Variants in RPF2 observed in about 807,000 individuals in gnomAD.
RPF2 encodes brix domain containing 1.
In RPF2, 21 loss-of-function variants were observed where a neutral mutation model predicts 38.9. The observed-to-expected ratio is 0.54, with a 90% CI of 0.38 to 0.78. RPF2 has a LOEUF of 0.78. RPF2 is among the 30% of genes least tolerant of loss of function. RPF2 has a pLI of 0.00. For missense variants in RPF2, 314 were observed against 358.1 expected, an observed-to-expected ratio of 0.88 and a Z score of 0.99; for synonymous variants, 121 against 126.2, an observed-to-expected ratio of 0.96 and a Z score of 0.28.
intron 8 of RPF2, among the ~76,000 whole-genome samples, chr6:111,016,228 A>G (rs1256595161): frequency 2.0e-5 from 3 of 152,212 alleles, no homozygotes; most frequent in African/African-American, 7.2e-5. Flanking sequence ...GAATAAGAAG[A>G]TTCAGTGGCT....
chr6:111,003,087 C>CA (rs992813417), intron 6 of RPF2, among the ~76,000 whole-genome samples: 4 of 146,170 alleles, frequency 2.7e-5, no homozygotes, highest in African/African-American at 5.0e-5. Flanking sequence ...TTACCCCCCC[C>CA]CCTTTTTTTT....
At chr6:110,988,375 A>G (rs182972022) in intron 2 of RPF2, among the ~76,000 whole-genome samples, 1 of 150,806 alleles carries the variant, frequency 6.6e-6, no homozygotes, top group Non-Finnish European at 1.5e-5. Flanking sequence ...TCCACGCAAC[A>G]TTATTTCAAT....
At chr6:110,988,047 C>T (rs1181077305) in intron 2 of RPF2, among the ~76,000 whole-genome samples, 1 of 151,876 alleles carries the variant, frequency 6.6e-6, no homozygotes, top group Non-Finnish European at 1.5e-5. Flanking sequence ...AACCCCATCT[C>T]CACTCAAAAT....
chr6:110,989,080 C>A lies in RPF2; in HGVS notation c.194+15C>A. The A allele has an allele frequency of 6.5e-7, 1 of 1,529,248 alleles. No individual in the cohort carries two copies. Among genetic ancestry groups the A allele is most frequent in the Non-Finnish European group, 8.7e-7 (1 of 1,144,942 alleles). The allele number at this position is 1,529,248 out of a possible 1,614,324, so 94.7% of individuals were successfully genotyped here. On this transcript the variant is annotated intron_variant, in intron 3 of 9. Coordinates refer to ENST00000441448, the MANE Select transcript of RPF2 (RefSeq NM_032194.3). ...CTATATAAAAAGTAAGTCATGATTT[C>A]TTTTACTGTATTTTAAATGATTTTG... is the stretch of plus-strand genomic sequence containing the variant.
intron 8 of RPF2, among the ~76,000 whole-genome samples, chr6:111,018,182 C>A (rs539827611): frequency 1.6e-5 from 2 of 123,238 alleles, no homozygotes; most frequent in African/African-American, 3.1e-5. Flanking sequence ...AGCTTCGGCT[C>A]GGCATCAGGG....
chr6:111,025,373 A>ATT, intron 9 of RPF2, 30 bp from the exon 10 acceptor site: 10 of 1,481,868 alleles, frequency 6.7e-6, no homozygotes, highest in Non-Finnish European at 9.3e-6. Context: ...GTAGAAGGCC[A>ATT]TTAAATATAT....
chr6:110,984,427 T>C (rs1771487791), intron 1 of RPF2, among the ~76,000 whole-genome samples: 1 of 151,950 alleles, frequency 6.6e-6, no homozygotes, highest in South Asian at 2.1e-4. Flanking sequence ...AAAAAAAAGA[T>C]TGGAAAGAGC....
intron 8 of RPF2, among the ~76,000 whole-genome samples, chr6:111,017,948 C>T (rs12176262): frequency 0.16 from 24,417 of 151,662 alleles, 2,474 homozygotes; most frequent in East Asian, 0.52. Context: ...AACGAGACTC[C>T]GTCTGCAATC....
At chr6:110,994,761 A>AGTT (rs1771683048) in intron 4 of RPF2, among the ~76,000 whole-genome samples, 5 of 150,418 alleles carry the variant, frequency 3.3e-5, no homozygotes, top group African/African-American at 1.2e-4. Context: ...ACACACACAC[A>AGTT]CACACACACG....
chr6:110,987,764 T>C (rs751989844), intron 2 of RPF2, among the ~76,000 whole-genome samples: 1 of 152,206 alleles, frequency 6.6e-6, no homozygotes, highest in Non-Finnish European at 1.5e-5. Flanking sequence ...TACCTTATTT[T>C]TCATTGTTTC....
At chr6:110,998,488 C>T (rs567490277) in intron 5 of RPF2, among the ~76,000 whole-genome samples, 11 of 152,274 alleles carry the variant, frequency 7.2e-5, no homozygotes, top group Admixed American at 2.0e-4. Flanking sequence ...GAATTACAGG[C>T]GTGAGCCACT....
At chr6:110,989,753 G>A (rs907606867) in intron 3 of RPF2, among the ~76,000 whole-genome samples, 29 of 151,628 alleles carry the variant, frequency 1.9e-4, no homozygotes, top group Non-Finnish European at 4.0e-4. Flanking sequence ...AGCCTCCTGA[G>A]TTGGGATTAC....
rs533650755 is a variant in RPF2 at position 111,019,313 on chromosome 6, G to A, written c.596+3457G>A. On this transcript the variant is annotated intron_variant, in intron 8 of 9. Transcript: ENST00000441448. ...AGAATTGCTTGAGCCTGGGCCACAC[G>A]CCTATAATCCCGGCTACTCAGGCGG... 9.2e-5 allele frequency among the ~76,000 whole-genome samples: 14 copies of A among 152,218 alleles called. No homozygotes were observed. The East Asian group carries it at 1.2e-3, about 13-fold the overall frequency.
intron 2 of RPF2, among the ~76,000 whole-genome samples, chr6:110,987,565 C>T (rs1484359928): frequency 6.6e-6 from 1 of 152,118 alleles, no homozygotes; most frequent in African/African-American, 2.4e-5. Flanking sequence ...CACAATATTA[C>T]AGATTACTAC....
At chr6:110,983,801 G>T (rs1437246579) in intron 1 of RPF2, among the ~76,000 whole-genome samples, 1 of 150,294 alleles carries the variant, frequency 6.7e-6, no homozygotes, top group African/African-American at 2.4e-5. Flanking sequence ...TGAGGCGGGG[G>T]GGTGGGTCAC....
intron 8 of RPF2, 103 bp from the exon 9 acceptor site, chr6:111,024,080 T>A (rs1450528661): frequency 1.0e-6 from 1 of 983,916 alleles, no homozygotes; most frequent in Non-Finnish European, 1.5e-6. Flanking sequence ...CTAAACATTT[T>A]ATATCATTTA....
At chr6:111,024,365 T>C (rs1279197143) in intron 9 of RPF2, 38 bp downstream of exon 9, 2 of 1,553,508 alleles carry the variant, frequency 1.3e-6, no homozygotes, top group Non-Finnish European at 1.7e-6. Context: ...TTTATTTGTA[T>C]TTTCTACTTT....
chr6:110,990,120 T>C (rs1771593612), intron 3 of RPF2, among the ~76,000 whole-genome samples: 1 of 151,758 alleles, frequency 6.6e-6, no homozygotes, highest in South Asian at 2.1e-4. Flanking sequence ...GTATTTTTAG[T>C]AGAGACGGGA....
At chr6:111,011,228 T>C (rs954809228) in intron 7 of RPF2, among the ~76,000 whole-genome samples, 4 of 152,186 alleles carry the variant, frequency 2.6e-5, no homozygotes, top group African/African-American at 9.6e-5. Context: ...AGACAATGAC[T>C]AATATTTCCT....
Sources: allele counts gnomAD v4.1 joint callset (sites outside exome capture counted in the v4.1 genomes callset), GRCh38; gene constraint gnomAD v4.1.1; transcripts MANE v1.5; gene names NCBI Gene and HGNC (gene_info 2026-07-23, HGNC 2026-07-21).